The following CDH12 variants were observed in gnomAD, a reference collection of about 807,000 sequenced individuals.
The protein encoded by CDH12 is cadherin-12.
In CDH12, 41 loss-of-function variants were observed where a neutral mutation model predicts 74.1. The ratio of observed to expected loss-of-function variants is 0.55; its 90% confidence interval spans 0.43 to 0.72. CDH12 has a LOEUF of 0.72. Among genes scored for constraint, CDH12 ranks in the 30% least tolerant of loss-of-function variants. The pLI, the probability that CDH12 is intolerant of heterozygous loss-of-function variation, is 0.00. For missense variants in CDH12, 945 were observed against 977.2 expected, an observed-to-expected ratio of 0.97 and a Z score of 0.44; for synonymous variants, 399 against 355.0, an observed-to-expected ratio of 1.12 and a Z score of -1.39.
At chr5:21,828,678 TTC>T (rs994447357) in intron 8 of CDH12, among the ~76,000 whole-genome samples, 19 of 152,334 alleles carry the variant, frequency 1.2e-4, no homozygotes, top group African/African-American at 4.1e-4. Context: ...GGTTTACATT[TTC>T]TGTCTTTTCC....
At chr5:22,778,432 A>G (rs967601950) in intron 1 of CDH12, among the ~76,000 whole-genome samples, 6 of 152,182 alleles carry the variant, frequency 3.9e-5, no homozygotes, top group Admixed American at 6.6e-5. Flanking sequence ...AGACAATTCT[A>G]TACATATCTC....
Position 22,568,045 on chromosome 5 carries a change from T to C in CDH12, c.-522-62681A>G, listed in dbSNP as rs180672126. ...GATATTTGATTTCTATGTAATTTAA[T>C]ATGTAATTGTTAAACAGTTTCATAT... is the stretch of plus-strand genomic sequence containing the variant. On this transcript the variant is annotated intron_variant, in intron 1 of 14. Coordinates refer to ENST00000382254, the MANE Select transcript of CDH12 (RefSeq NM_004061.5). 4.3e-3 allele frequency among the ~76,000 whole-genome samples: 660 copies of C among 152,356 alleles called. 2 individuals are homozygous for C. The highest frequency in any genetic ancestry group is 6.0e-3 in the Non-Finnish European group (410 of 68,026).
intron 2 of CDH12, among the ~76,000 whole-genome samples, chr5:22,455,668 A>C (rs1745234586): frequency 6.6e-6 from 1 of 152,226 alleles, no homozygotes; most frequent in South Asian, 2.1e-4. Flanking sequence ...TGATCAGCAC[A>C]TAGATAGCAC....
intron 4 of CDH12, among the ~76,000 whole-genome samples, chr5:22,099,273 C>G (rs1030354707): frequency 1.3e-5 from 2 of 152,200 alleles, no homozygotes; most frequent in Middle Eastern, 6.8e-3. Flanking sequence ...GTCGAATCAC[C>G]CAAGCAGTTT....
At chr5:22,426,450 C>T (rs2126509881) in intron 2 of CDH12, among the ~76,000 whole-genome samples, 1 of 151,820 alleles carries the variant, frequency 6.6e-6, no homozygotes, top group Non-Finnish European at 1.5e-5. Context: ...CTATTTATAA[C>T]TACCTTAATA....
At chr5:22,591,035 C>A (rs760058762) in intron 1 of CDH12, among the ~76,000 whole-genome samples, 126 of 152,234 alleles carry the variant, frequency 8.3e-4, no homozygotes, top group Non-Finnish European at 1.4e-3. Context: ...TAATGTTGCC[C>A]ATTTAAACTT....
chr5:21,999,296 A>G (rs887929846), intron 5 of CDH12, among the ~76,000 whole-genome samples: 2 of 152,156 alleles, frequency 1.3e-5, no homozygotes, highest in African/African-American at 4.8e-5. Flanking sequence ...AAGCACCAAC[A>G]TTTAAAAGGC....
At chr5:22,694,722 TACAC>T (rs1742257998) in intron 1 of CDH12, among the ~76,000 whole-genome samples, 2 of 24,884 alleles carry the variant, frequency 8.0e-5, no homozygotes, top group African/African-American at 1.9e-4. Context: ...CCACCCCTTG[TACAC>T]GTCTTTCAAT....
At chr5:22,525,295 C>T (rs996423700) in intron 1 of CDH12, among the ~76,000 whole-genome samples, 1 of 152,084 alleles carries the variant, frequency 6.6e-6, no homozygotes, top group Non-Finnish European at 1.5e-5. Flanking sequence ...TTTATAGCAG[C>T]ACATCTCATA....
intron 1 of CDH12, among the ~76,000 whole-genome samples, chr5:22,670,582 C>A (rs1479425497): frequency 5.3e-5 from 8 of 152,014 alleles, no homozygotes; most frequent in Non-Finnish European, 1.0e-4. Flanking sequence ...ATATATACCA[C>A]AGGAGGTTAT....
chr5:22,278,497 T>A (rs1432964304), intron 3 of CDH12, among the ~76,000 whole-genome samples: 6 of 152,052 alleles, frequency 3.9e-5, no homozygotes. Context: ...CTAAATCTGC[T>A]GAAAGAGGAA....
intron 1 of CDH12, among the ~76,000 whole-genome samples, chr5:22,565,428 T>G (rs1739241720): frequency 6.6e-6 from 1 of 152,332 alleles, no homozygotes; most frequent in Non-Finnish European, 1.5e-5. Context: ...TCAAAATATC[T>G]TTGAAACTGA....
rs141999304 is a variant in CDH12 at position 22,449,556 on chromosome 5, C to T, written c.-427-44205G>A. 1.1e-4 allele frequency among the ~76,000 whole-genome samples: 17 copies of T among 152,106 alleles called. No individual in the cohort carries two copies. The East Asian group carries it at 1.5e-3, about 14-fold the overall frequency. On this transcript the variant is annotated intron_variant, in intron 2 of 14. Transcript: ENST00000382254. ...AATTTTACAGAGTGTTTCTTCCCAA[C>T]GCTACTTTCAACTCTGAAACTAAAG...
chr5:22,571,673 TTTGAC>T (rs1173566670), intron 1 of CDH12, among the ~76,000 whole-genome samples: 1 of 152,216 alleles, frequency 6.6e-6, no homozygotes, highest in Non-Finnish European at 1.5e-5. Context: ...CAACTCTTAC[TTTGAC>T]TTGAACACTT....
intron 6 of CDH12, among the ~76,000 whole-genome samples, chr5:21,970,300 GGAT>G (rs2150118276): frequency 6.6e-6 from 1 of 152,226 alleles, no homozygotes; most frequent in South Asian, 2.1e-4. Context: ...AGATAGAAGT[GGAT>G]GATAATTCAC....
intron 4 of CDH12, among the ~76,000 whole-genome samples, chr5:22,194,753 T>C (rs1440450618): frequency 6.6e-6 from 1 of 152,198 alleles, no homozygotes; most frequent in Non-Finnish European, 1.5e-5. Context: ...AGGCAATATG[T>C]TATTCTTTCC....
chr5:22,001,301 G>A (rs555361538), intron 5 of CDH12, among the ~76,000 whole-genome samples: 56 of 148,500 alleles, frequency 3.8e-4, no homozygotes, highest in Admixed American at 3.0e-3. Context: ...CCGATATCCC[G>A]TCCCCCTCCT....
At chr5:22,048,851 A>G (rs1740147174) in intron 5 of CDH12, among the ~76,000 whole-genome samples, 1 of 152,186 alleles carries the variant, frequency 6.6e-6, no homozygotes, top group Admixed American at 6.5e-5. Context: ...AATAATAATA[A>G]GGACCATGAG....
chr5:22,288,752 G>A (rs1414729345), intron 3 of CDH12, among the ~76,000 whole-genome samples: 1 of 152,052 alleles, frequency 6.6e-6, no homozygotes, highest in Non-Finnish European at 1.5e-5. Context: ...ATTTTTTCCT[G>A]AAAGAAATTA....
Sources: gnomAD v4.1 joint callset for allele counts (sites outside exome capture counted in the v4.1 genomes callset) on GRCh38, gnomAD v4.1.1 for gene constraint, MANE v1.5 for transcripts, NCBI Gene and HGNC (gene_info 2026-07-23, HGNC 2026-07-21) for gene names.